Variants in TSPAN3 observed in about 807,000 individuals in gnomAD.
TSPAN3 encodes the protein tetraspanin-3.
TSPAN3 carries 9 observed loss-of-function variants against 31.1 expected under a neutral mutation model. The observed-to-expected ratio is 0.29, with a 90% CI of 0.17 to 0.50. TSPAN3 has a LOEUF of 0.50. TSPAN3 is among the 20% of genes least tolerant of loss of function. TSPAN3 has a pLI of 0.98. For synonymous variants in TSPAN3, 129 were observed against 114.3 expected (o/e 1.13, Z -0.82); for missense variants, 252 against 313.5 (o/e 0.80, Z 1.48).
chr15:77,054,143 G>C (rs780323506), intron 4 of TSPAN3, 35 bp downstream of exon 4: 1 of 1,471,514 alleles, frequency 6.8e-7, no homozygotes, highest in Non-Finnish European at 9.5e-7. Context: ...ATCGTGATTG[G>C]TCCTCAAAAA....
In TSPAN3 at chr15:77,043,707, C is replaced by G. The variant is rs770341995; in HGVS notation, c.*3128G>C. 1.3e-4 allele frequency: 20 copies of G among 152,232 alleles called. No homozygotes were observed. The highest frequency in any genetic ancestry group is 7.3e-5 in the Non-Finnish European group (5 of 68,084). 9.4% of individuals were successfully genotyped at this position (152,232 alleles called of 1,614,324 possible). A position where few individuals can be genotyped will look rare whatever the true frequency, so the allele number is the denominator to read the frequency against. Reference sequence around the variant, plus strand: ...TACCTGATCCAGACCAGATCCAGCACCGCAGAGGGAAAGGTGCTATAGAGG... The same window carrying G: ...TACCTGATCCAGACCAGATCCAGCAGCGCAGAGGGAAAGGTGCTATAGAGG... On this transcript the variant is annotated 3_prime_UTR_variant, in exon 7 of 7. Transcript: ENST00000267970.
At chr15:77,066,433 A>G (rs1011306426) in intron 1 of TSPAN3, among the ~76,000 whole-genome samples, 2 of 152,078 alleles carry the variant, frequency 1.3e-5, no homozygotes, top group Non-Finnish European at 2.9e-5. Flanking sequence ...TTAGCTGGGC[A>G]TGGTGGCGCA....
At chr15:77,067,983 G>A (rs1057409677) in intron 1 of TSPAN3, 3 of 152,154 alleles carry the variant, frequency 2.0e-5, no homozygotes, top group African/African-American at 7.2e-5. Flanking sequence ...CAACCTTAAT[G>A]TTCTCCTCTA....
Position 77,046,215 on chromosome 15 carries a change from A to G in TSPAN3, c.*620T>C. 2.5e-6 allele frequency: 1 copy of G among 393,948 alleles called. No homozygotes were observed. Among genetic ancestry groups the G allele is most frequent in the East Asian group, 3.6e-5 (1 of 27,768 alleles). The allele number at this position is 393,948 out of a possible 1,614,324, so 24.4% of individuals were successfully genotyped here. A position where few individuals can be genotyped will look rare whatever the true frequency, so the allele number is the denominator to read the frequency against. ...TTTAAAACAGTAGTGCATACATTATACTCCTCCTATAAAGCCAACTTTGAT... is the reference window on the plus strand; with the variant it reads ...TTTAAAACAGTAGTGCATACATTATGCTCCTCCTATAAAGCCAACTTTGAT... On this transcript the variant is annotated 3_prime_UTR_variant, in exon 7 of 7. Coordinates refer to ENST00000267970, the MANE Select transcript of TSPAN3 (RefSeq NM_005724.6).
intron 6 of TSPAN3, among the ~76,000 whole-genome samples, chr15:77,047,566 G>A (rs770786955): frequency 1.3e-5 from 2 of 152,124 alleles, no homozygotes; most frequent in Non-Finnish European, 2.9e-5. Flanking sequence ...GAAATCCACG[G>A]TTCTGTGGTA....
chr15:77,047,685 T>C (rs916686636), intron 6 of TSPAN3, among the ~76,000 whole-genome samples: 4 of 152,244 alleles, frequency 2.6e-5, no homozygotes, highest in Non-Finnish European at 4.4e-5. Context: ...TCATGCCATG[T>C]TATTTTGGAT....
At chr15:77,066,102 A>T (rs1035977759) in intron 1 of TSPAN3, among the ~76,000 whole-genome samples, 8 of 152,236 alleles carry the variant, frequency 5.3e-5, no homozygotes, top group African/African-American at 1.9e-4. Context: ...ATAACATAGG[A>T]CTTGATTAAA....
rs923030204 is a variant in TSPAN3 at position 77,044,167 on chromosome 15, T to C, written c.*2668A>G. The C allele has an allele frequency of 1.3e-5, 2 of 151,940 alleles. No homozygotes were observed. The highest frequency in any genetic ancestry group is 1.3e-4 in the Admixed American group (2 of 15,270). 9.4% of individuals were successfully genotyped at this position (151,940 alleles called of 1,614,324 possible). On this transcript the variant is annotated 3_prime_UTR_variant, in exon 7 of 7. Coordinates refer to ENST00000267970, the MANE Select transcript of TSPAN3 (RefSeq NM_005724.6). ...GTCCTGGACACACCCTAGAGCACCT[T>C]AGATGCTCTGGGACCCAGGCATCTG...
chr15:77,046,423 T>C lies in TSPAN3; in HGVS notation c.*412A>G, dbSNP rs1376193702. On this transcript the variant is annotated 3_prime_UTR_variant, in exon 7 of 7. Coordinates refer to ENST00000267970, the MANE Select transcript of TSPAN3 (RefSeq NM_005724.6). Reference sequence around the variant, plus strand: ...CTGGTGTTAACCTTAACCAGAAAGCTGGTTTCCTCCTCCTCCCCGCAAAAA... The same window carrying C: ...CTGGTGTTAACCTTAACCAGAAAGCCGGTTTCCTCCTCCTCCCCGCAAAAA... 2.9e-5 allele frequency: 12 copies of C among 406,948 alleles called. No individual in the cohort carries two copies. The highest frequency in any genetic ancestry group is 4.1e-5 in the Admixed American group (1 of 24,524). The allele number at this position is 406,948 out of a possible 1,614,324, so 25.2% of individuals were successfully genotyped here.
intron 1 of TSPAN3, among the ~76,000 whole-genome samples, chr15:77,059,375 C>T (rs1481862822): frequency 1.3e-5 from 2 of 152,222 alleles, no homozygotes; most frequent in Non-Finnish European, 2.9e-5. Context: ...AGCCATTGCG[C>T]CTGGCCAGAC....
chr15:77,052,399 A>G lies in TSPAN3; in HGVS notation c.655T>C (p.Phe219Leu). ...MMHVIWAALA[F>L]AAIQLLGMLC... ...GCTGTGCTTACCTGAATAGCTGCAA[A>G]TGCCAGTGCGGCCCAGATCACATGC... is the stretch of plus-strand genomic sequence containing the variant. The change falls in exon 6 of 7, where the codon TTT (phenylalanine) becomes CTT (leucine). Residue 219 changes from phenylalanine (F) to leucine (L), a missense_variant. Phe to Leu is a conservative substitution (Grantham distance 22, BLOSUM62 0). Transcript: ENST00000267970. The G allele has an allele frequency of 6.2e-7, 1 of 1,614,194 alleles. No individual in the cohort carries two copies. Among genetic ancestry groups the G allele is most frequent in the Non-Finnish European group, 8.5e-7 (1 of 1,180,032 alleles).
At chr15:77,048,389 T>TC (rs1157709517) in intron 6 of TSPAN3, among the ~76,000 whole-genome samples, 2 of 128,274 alleles carry the variant, frequency 1.6e-5, no homozygotes, top group Non-Finnish European at 3.2e-5. Flanking sequence ...CTCCCCACAC[T>TC]CCTTTCAATT....
At chr15:77,068,440 T>C (rs2076846813) in intron 1 of TSPAN3, 1 of 152,172 alleles carries the variant, frequency 6.6e-6, no homozygotes, top group African/African-American at 2.4e-5. Context: ...TTAGAGTAAA[T>C]AAAAATCTAA....
intron 1 of TSPAN3, among the ~76,000 whole-genome samples, chr15:77,058,286 C>T (rs1845970559): frequency 6.6e-6 from 1 of 152,196 alleles, no homozygotes; most frequent in Non-Finnish European, 1.5e-5. Flanking sequence ...CCAAGCTATT[C>T]CTCCTTTTCA....
Position 77,071,063 on chromosome 15 carries a change from G to A in TSPAN3, c.-109C>T, listed in dbSNP as rs1195228525. 1 of 720,948 alleles carries A rather than the reference G, an allele frequency of 1.4e-6. No homozygotes were observed. The highest frequency in any genetic ancestry group is 1.9e-6 in the Non-Finnish European group (1 of 525,498). The allele number at this position is 720,948 out of a possible 1,614,324, so 44.7% of individuals were successfully genotyped here. A position where few individuals can be genotyped will look rare whatever the true frequency, so the allele number is the denominator to read the frequency against. On this transcript the variant is annotated 5_prime_UTR_variant, in exon 1 of 7. Coordinates refer to ENST00000267970, the MANE Select transcript of TSPAN3 (RefSeq NM_005724.6). ...CTAGGAACTGCACGGCCTGCGCGGC[G>A]CTCCCCGCAGCCCCTGCGCCGTCGC...
At chr15:77,060,575 T>C (rs758917209) in intron 1 of TSPAN3, among the ~76,000 whole-genome samples, 1 of 152,204 alleles carries the variant, frequency 6.6e-6, no homozygotes, top group African/African-American at 2.4e-5. Context: ...AGATTTTTAA[T>C]GCAGAAATTG....
At position 77,042,315 on chromosome 15, in the gene TSPAN3, G is replaced by C. The variant is rs897316332; in HGVS notation, c.*4520C>G. On this transcript the variant is annotated 3_prime_UTR_variant, in exon 7 of 7. Coordinates refer to ENST00000267970, the MANE Select transcript of TSPAN3 (RefSeq NM_005724.6). The stretch of plus-strand genomic sequence containing the variant: ...GTTTAAAAAAATACACTTAAAAAAG[G>C]CAGTAAGACAAGCTCTGTCAATCAT... The C allele has an allele frequency of 6.6e-6, 1 of 152,084 alleles. No individual in the cohort carries two copies. The highest frequency in any genetic ancestry group is 2.4e-5 in the African/African-American group (1 of 41,390). The allele number at this position is 152,084 out of a possible 1,614,324, so 9.4% of individuals were successfully genotyped here.
intron 1 of TSPAN3, chr15:77,068,468 C>T (rs952352663): frequency 1.3e-5 from 2 of 152,280 alleles, no homozygotes; most frequent in South Asian, 2.1e-4. Flanking sequence ...AAAATGGTTA[C>T]TGTATTTCCA....
At chr15:77,049,281 A>G (rs2076713577) in intron 6 of TSPAN3, among the ~76,000 whole-genome samples, 1 of 152,222 alleles carries the variant, frequency 6.6e-6, no homozygotes, top group African/African-American at 2.4e-5. Flanking sequence ...CACCGGCTTC[A>G]CATGCGGCAC....
Sources: gnomAD v4.1 joint callset for allele counts (sites outside exome capture counted in the v4.1 genomes callset) on GRCh38, gnomAD v4.1.1 for gene constraint, MANE v1.5 for transcripts, NCBI Gene and HGNC (gene_info 2026-07-23, HGNC 2026-07-21) for gene names.